ADGRF3: variants seen among roughly 807,000 people sequenced by gnomAD.
The protein encoded by ADGRF3 is adhesion G protein-coupled receptor F3, also known as G protein-coupled receptor 113.
A neutral mutation model predicts 93.2 loss-of-function variants in ADGRF3; 85 were observed. The observed-to-expected ratio is 0.91, with a 90% confidence interval of 0.77 to 1.09. The LOEUF (loss-of-function observed/expected upper bound fraction) is 1.09. ADGRF3 is among the 50% of genes least tolerant of loss of function. ADGRF3 has a pLI of 0.00. For missense variants in ADGRF3, 1,125 were observed against 1,246.2 expected, an observed-to-expected ratio of 0.90 and a Z score of 1.46; for synonymous variants, 534 against 532.5, an observed-to-expected ratio of 1.00 and a Z score of -0.04.
At position 26,316,770 on chromosome 2, in the gene ADGRF3, G is replaced by T. The variant is rs577795687; in HGVS notation, c.325+142C>A. The T allele has an allele frequency of 8.5e-4, 769 of 900,398 alleles. 2 individuals carry two copies. Among genetic ancestry groups the T allele is most frequent in the Non-Finnish European group, 1.1e-3 (684 of 601,434 alleles). 55.8% of individuals were successfully genotyped at this position (900,398 alleles called of 1,614,324 possible). On this transcript the variant is annotated intron_variant, in intron 3 of 13. Transcript: ENST00000651242. ...TCTGTCTGGTAGGGAGGTGAGGAAG[G>T]AGCTGGGCCACGGAGACAGAACCAG... is the stretch of plus-strand genomic sequence containing the variant.
At position 26,346,551 on chromosome 2, in the gene ADGRF3, T is replaced by C. The variant is rs1676770664; in HGVS notation, c.-317A>G. 7 of 374,878 alleles carry C rather than the reference T, an allele frequency of 1.9e-5. No individual in the cohort carries two copies. The South Asian group carries it at 3.6e-4, about 19-fold the overall frequency. The allele number at this position is 374,878 out of a possible 1,614,324, so 23.2% of individuals were successfully genotyped here. ...CTCAGTGATCATGGAGCGAGGGAAT[T>C]CCCTTCCTATTTTTTTTAAACTTAT... On this transcript the variant is annotated 5_prime_UTR_variant, in exon 1 of 14. Coordinates refer to ENST00000651242, the MANE Select transcript of ADGRF3 (RefSeq NM_001321971.2).
rs746183090 is a variant in ADGRF3 at position 26,314,480 on chromosome 2, TCAG to T, written c.859_861del (p.Leu287del). 1 of 1,613,990 alleles carries T rather than the reference TCAG, an allele frequency of 6.2e-7. No homozygotes were observed. The highest frequency in any genetic ancestry group is 2.2e-5 in the East Asian group (1 of 44,880). ...AGGTTTGTGCTGGGGATGCAGCAGC[TCAG>T]CTGGAAGCCAGGGGAGGTGGCACAG... On this transcript the variant is annotated inframe_deletion, in exon 6 of 14. Transcript: ENST00000651242.
At position 26,312,022 on chromosome 2, in the gene ADGRF3, C is replaced by T. The variant is rs1674202438; in HGVS notation, c.1502G>A (p.Trp501Ter). The change falls in exon 10 of 14, where the codon TGG becomes TAG. Residue 501 changes from tryptophan (W) to a stop codon, truncating the protein, a stop_gained. Transcript: ENST00000651242. LOFTEE classifies it high-confidence loss of function. Reference protein sequence around the residue: ...KVLDMDTRSLWTLAQARKPWA... With the variant: ...KVLDMDTRSL Reference sequence around the variant, plus strand: ...GGGCTTCCGGGCTTGGGCCAGGGTCCACAGAGACCTGGTGTCCATATCTAG... The same window carrying T: ...GGGCTTCCGGGCTTGGGCCAGGGTCTACAGAGACCTGGTGTCCATATCTAG... 1.9e-6 allele frequency: 3 copies of T among 1,612,894 alleles called. No homozygotes were observed. Among genetic ancestry groups the T allele is most frequent in the Non-Finnish European group, 2.5e-6 (3 of 1,179,852 alleles).
chr2:26,318,998 G>A (rs780607638), intron 1 of ADGRF3: 41 of 1,551,642 alleles, frequency 2.6e-5, no homozygotes, highest in African/African-American at 9.6e-5. Context: ...GGTGACCCCA[G>A]CAGGGGAAGA....
At chr2:26,343,482 C>T (rs1274546995) in intron 1 of ADGRF3, among the ~76,000 whole-genome samples, 2 of 151,900 alleles carry the variant, frequency 1.3e-5, no homozygotes, top group Admixed American at 1.3e-4. Context: ...CTGTGTCACC[C>T]AGACTGGAGT....
chr2:26,309,053 A>T lies in ADGRF3; in HGVS notation c.*33T>A, dbSNP rs1427549320. 1.9e-6 allele frequency: 3 copies of T among 1,613,836 alleles called. No individual in the cohort carries two copies. The highest frequency in any genetic ancestry group is 2.5e-6 in the Non-Finnish European group (3 of 1,179,882). On this transcript the variant is annotated 3_prime_UTR_variant, in exon 14 of 14. Transcript: ENST00000651242. ...TGGTGGGTTCAAGCACACAGCCTCAACTCCCTTGCAGGAACATGGGTCCGT... is the reference window on the plus strand; with the variant it reads ...TGGTGGGTTCAAGCACACAGCCTCATCTCCCTTGCAGGAACATGGGTCCGT...
chr2:26,335,656 AT>A (rs1221468062), intron 1 of ADGRF3, among the ~76,000 whole-genome samples: 3 of 148,828 alleles, frequency 2.0e-5, no homozygotes, highest in Non-Finnish European at 4.5e-5. Flanking sequence ...TTTTTTTCCC[AT>A]TTTTTTACAT....
intron 9 of ADGRF3, 21 bp downstream of exon 9, chr2:26,312,922 A>C (rs779249003): frequency 1.5e-4 from 235 of 1,589,386 alleles, no homozygotes; most frequent in Non-Finnish European, 2.0e-4. Flanking sequence ...GCTGGCCCCC[A>C]CTGTGGCTCA....
At chr2:26,334,081 C>T (rs1377993310) in intron 1 of ADGRF3, among the ~76,000 whole-genome samples, 1 of 151,868 alleles carries the variant, frequency 6.6e-6, no homozygotes, top group Admixed American at 6.5e-5. Context: ...TCGCCTCAGC[C>T]TCCTAAAGTG....
chr2:26,340,173 T>TA (rs1054786277), intron 1 of ADGRF3, among the ~76,000 whole-genome samples: 13 of 151,400 alleles, frequency 8.6e-5, no homozygotes, highest in African/African-American at 1.2e-4. Flanking sequence ...GTGTCTGATT[T>TA]AAAAAAAAAT....
At chr2:26,340,684 G>C (rs902772156) in intron 1 of ADGRF3, among the ~76,000 whole-genome samples, 1 of 151,698 alleles carries the variant, frequency 6.6e-6, no homozygotes, top group African/African-American at 2.4e-5. Flanking sequence ...TTCTGCTTCC[G>C]TTTTAGTGGA....
In ADGRF3 at chr2:26,315,357, G is replaced by A. The variant is rs527250132; in HGVS notation, c.718+165C>T. On this transcript the variant is annotated intron_variant, in intron 5 of 13. Coordinates refer to ENST00000651242, the MANE Select transcript of ADGRF3 (RefSeq NM_001321971.2). The stretch of plus-strand genomic sequence containing the variant: ...CTTAGCCTTTGTTTCCCCAGAATGG[G>A]TAAATGGAAAGATGAAAAGGGTGAG... 3.3e-5 allele frequency among the ~76,000 whole-genome samples: 5 copies of A among 152,238 alleles called. No individual in the cohort carries two copies. The South Asian group carries it at 1.0e-3, about 32-fold the overall frequency.
chr2:26,319,598 CCTTCCTTCCTTCCTTCCTTT>C (rs879298873), intron 1 of ADGRF3, among the ~76,000 whole-genome samples: 8,779 of 81,952 alleles, frequency 0.11, 827 homozygotes, highest in Middle Eastern at 0.19. Context: ...TTCCTTCCTT[CCTTCCTTCCTTCCTTCCTTT>C]CTTTCTTTGT....
At position 26,311,091 on chromosome 2, in the gene ADGRF3, C is replaced by T. The variant is rs1249282042; in HGVS notation, c.2433G>A (p.Lys811=). The T allele has an allele frequency of 1.2e-6, 2 of 1,602,392 alleles. No individual in the cohort carries two copies. Among genetic ancestry groups the T allele is most frequent in the Non-Finnish European group, 1.7e-6 (2 of 1,174,778 alleles). ...GCACCATGAGGGGGAGAACTCGGTG[C>T]TTTGCCAGCTGGTGAAAGACAAAGA... ...QLLFVFHQLA[K]HRVLPLMVLL... is the part of the protein sequence containing the mutation. The change falls in exon 10 of 14, where the codon AAG becomes AAA. Residue 811 remains lysine, a synonymous_variant. Coordinates refer to ENST00000651242, the MANE Select transcript of ADGRF3 (RefSeq NM_001321971.2).
At position 26,309,534 on chromosome 2, in the gene ADGRF3, G is replaced by A. The variant is rs1673854439; in HGVS notation, c.2985C>T (p.Asp995=). 1 of 1,612,246 alleles carries A rather than the reference G, an allele frequency of 6.2e-7. No individual in the cohort carries two copies. Among genetic ancestry groups the A allele is most frequent in the South Asian group, 1.1e-5 (1 of 90,394 alleles). The change falls in exon 13 of 14, where the codon GAC becomes GAT. Residue 995 remains aspartate, a synonymous_variant. Transcript: ENST00000651242. ...GAAAGCCTAGTTCTCACCTGGCAGTGTCGCTTCCTCCTTTGCTGTGTTCCA... is the reference window on the plus strand; with the variant it reads ...GAAAGCCTAGTTCTCACCTGGCAGTATCGCTTCCTCCTTTGCTGTGTTCCA... ...CILEHSKGGS[D]TARKTDASE is the part of the protein sequence containing the mutation.
intron 6 of ADGRF3, 47 bp from the exon 7 acceptor site, chr2:26,313,950 C>G: frequency 1.2e-6 from 2 of 1,607,390 alleles, no homozygotes; most frequent in Non-Finnish European, 1.7e-6. Flanking sequence ...CAGGGACAGG[C>G]CTGGAACCCA....
Position 26,314,545 on chromosome 2 carries a change from G to A in ADGRF3, c.797C>T (p.Thr266Ile), listed in dbSNP as rs1674485217. ...YEVVRVPLKATDVARLPYQLS... is the reference protein window; with the variant it reads ...YEVVRVPLKAIDVARLPYQLS... ...CTGGTATGGAAGTCGAGCCACATCT[G>A]TCGCCTTCAAGGGCACCCTCACCAC... The change falls in exon 6 of 14, where the codon ACA (threonine) becomes ATA (isoleucine). Residue 266 changes from threonine to isoleucine, a missense_variant. By Grantham distance (89) the Thr-to-Ile change is moderately conservative. Coordinates refer to ENST00000651242, the MANE Select transcript of ADGRF3 (RefSeq NM_001321971.2). 6 of 1,614,052 alleles carry A rather than the reference G, an allele frequency of 3.7e-6. No homozygotes were observed. The highest frequency in any genetic ancestry group is 4.2e-6 in the Non-Finnish European group (5 of 1,179,888).
At chr2:26,334,934 A>G (rs1675954919) in intron 1 of ADGRF3, among the ~76,000 whole-genome samples, 1 of 152,006 alleles carries the variant, frequency 6.6e-6, no homozygotes, top group Non-Finnish European at 1.5e-5. Context: ...GGTTATCAAT[A>G]AATACATTTT....
At chr2:26,334,312 T>G (rs1420418622) in intron 1 of ADGRF3, among the ~76,000 whole-genome samples, 1 of 151,610 alleles carries the variant, frequency 6.6e-6, no homozygotes, top group Non-Finnish European at 1.5e-5. Context: ...AAAAGTAAAT[T>G]TAAAAAACCA....
Sources: gnomAD v4.1 joint callset for allele counts (sites outside exome capture counted in the v4.1 genomes callset) on GRCh38, gnomAD v4.1.1 for gene constraint, MANE v1.5 for transcripts, NCBI Gene and HGNC (gene_info 2026-07-23, HGNC 2026-07-21) for gene names.